Variants in GUCY2C observed in about 807,000 individuals in gnomAD.
GUCY2C encodes the protein guanylyl cyclase C.
A neutral mutation model predicts 131.1 loss-of-function variants in GUCY2C; 118 were observed. The observed-to-expected ratio is 0.90, with a 90% CI of 0.78 to 1.05. GUCY2C has a LOEUF of 1.05. GUCY2C is among the 50% of genes least tolerant of loss of function. The probability of loss-of-function intolerance (pLI) is 0.00; values close to 1 mark genes in which losing one functional copy is unlikely to be tolerated. For missense variants in GUCY2C, 1,161 were observed against 1,304.4 expected, an observed-to-expected ratio of 0.89 and a Z score of 1.69; for synonymous variants, 452 against 457.8, an observed-to-expected ratio of 0.99 and a Z score of 0.16.
At chr12:14,679,861 T>A (rs1948311692) in intron 5 of GUCY2C, 108 bp from the exon 6 acceptor site, 1 of 631,374 alleles carries the variant, frequency 1.6e-6, no homozygotes, top group African/African-American at 1.9e-5. Flanking sequence ...TTAAATTTTT[T>A]AAAGATAAAC....
chr12:14,621,953 T>C lies in GUCY2C; in HGVS notation c.2601+52A>G. ...CAGAAACAACCAATTCAGGCTCTGA[T>C]GACCTTGAGTTGTACAATTAATGGT... On this transcript the variant is annotated intron_variant, in intron 22 of 26. Transcript: ENST00000261170. 2.4e-6 allele frequency: 3 copies of C among 1,274,542 alleles called. No homozygotes were observed. The South Asian group carries it at 4.2e-5, about 18-fold the overall frequency. The allele number at this position is 1,274,542 out of a possible 1,614,324, so 79.0% of individuals were successfully genotyped here.
Position 14,661,008 on chromosome 12 carries a change from A to G in GUCY2C, c.1337T>C (p.Leu446Pro), listed in dbSNP as rs1947856359. The change falls in exon 11 of 27, where the codon CTC (leucine) becomes CCC (proline). Residue 446 changes from leucine (L) to proline (P), a missense_variant. Transcript: ENST00000261170. ...VFTLTGAVVL[L>P]LLVALLMLRK... ...GAGCATCAGGAGAGCGACGAGCAGG[A>G]GCAGCACCACAGCTCCAGTGAGGGT... The G allele has an allele frequency of 6.2e-7, 1 of 1,613,170 alleles. No homozygotes were observed. Among genetic ancestry groups the G allele is most frequent in the Non-Finnish European group, 8.5e-7 (1 of 1,179,170 alleles).
Position 14,660,971 on chromosome 12 carries a change from G to T in GUCY2C, c.1364+10C>A. On this transcript the variant is annotated intron_variant, in intron 11 of 26. Transcript: ENST00000261170. ...GATACCGAACACAGGCATGATAGAG[G>T]CGGCTGTACCTGAGCATCAGGAGAG... is the stretch of plus-strand genomic sequence containing the variant. 6.3e-7 allele frequency: 1 copy of T among 1,588,618 alleles called. No individual in the cohort carries two copies. Among genetic ancestry groups the T allele is most frequent in the African/African-American group, 1.3e-5 (1 of 74,474 alleles).
chr12:14,641,218 G>A lies in GUCY2C; in HGVS notation c.1932C>T (p.Asp644=). The A allele has an allele frequency of 6.2e-7, 1 of 1,613,142 alleles. No individual in the cohort carries two copies. Among genetic ancestry groups the A allele is most frequent in the Non-Finnish European group, 8.5e-7 (1 of 1,179,882 alleles). ...GGAGGTGCTCTGGAGCTGTCCACAGGTCTGTAAATGTAGACATTGAGATTA... is the reference window on the plus strand; with the variant it reads ...GGAGGTGCTCTGGAGCTGTCCACAGATCTGTAAATGTAGACATTGAGATTA... ...GCNSILPPKK[D]LWTAPEHLRQ... Residue 644 remains aspartate, a splice_region_variant and synonymous_variant, in exon 18 of 27, where the codon GAC becomes GAT. Coordinates refer to ENST00000261170, the MANE Select transcript of GUCY2C (RefSeq NM_004963.4).
At chr12:14,655,089 C>T (rs1046864169) in intron 12 of GUCY2C, among the ~76,000 whole-genome samples, 3 of 152,212 alleles carry the variant, frequency 2.0e-5, no homozygotes, top group African/African-American at 7.2e-5. Flanking sequence ...CTTGTACAAC[C>T]TATGAAAGCT....
intron 19 of GUCY2C, among the ~76,000 whole-genome samples, chr12:14,630,510 A>G (rs1264986920): frequency 1.3e-5 from 2 of 152,132 alleles, no homozygotes; most frequent in African/African-American, 2.4e-5. Flanking sequence ...TTTTCTTGTC[A>G]TTATTCCCTA....
intron 25 of GUCY2C, among the ~76,000 whole-genome samples, chr12:14,616,002 A>T (rs927693987): frequency 6.6e-6 from 1 of 152,196 alleles, no homozygotes; most frequent in African/African-American, 2.4e-5. Flanking sequence ...TTTAAATGTG[A>T]GGAACTGCAT....
intron 13 of GUCY2C, among the ~76,000 whole-genome samples, chr12:14,652,325 C>A (rs1427763754): frequency 6.6e-6 from 1 of 152,148 alleles, no homozygotes; most frequent in South Asian, 2.1e-4. Context: ...CAGGCATGCA[C>A]CACCATGCCC....
chr12:14,638,184 T>A (rs913901810), intron 19 of GUCY2C, among the ~76,000 whole-genome samples: 6 of 152,152 alleles, frequency 3.9e-5, no homozygotes, highest in Non-Finnish European at 8.8e-5. Flanking sequence ...TTACCCCAGT[T>A]AGAATGGCTA....
At chr12:14,675,246 GAAAGA>G (rs1948208733) in intron 7 of GUCY2C, among the ~76,000 whole-genome samples, 1 of 102,438 alleles carries the variant, frequency 9.8e-6, no homozygotes, top group African/African-American at 3.6e-5. Context: ...AAGAAAGAAA[GAAAGA>G]AAAAAAACTC....
intron 15 of GUCY2C, among the ~76,000 whole-genome samples, chr12:14,648,417 A>C (rs1212832419): frequency 6.6e-6 from 1 of 152,202 alleles, no homozygotes. Flanking sequence ...TCATTACAAA[A>C]ACTATCAGAA....
At chr12:14,648,866 C>T (rs1297872430) in intron 15 of GUCY2C, among the ~76,000 whole-genome samples, 1 of 152,120 alleles carries the variant, frequency 6.6e-6, no homozygotes, top group African/African-American at 2.4e-5. Context: ...CAGATGAAGT[C>T]AGTTGTTATT....
rs752006363 is a variant in GUCY2C at position 14,619,291 on chromosome 12, A to G, written c.2795T>C (p.Val932Ala). ...GVHSGPCAAG[V>A]VGIKMPRYCL... is the part of the protein sequence containing the mutation. Reference sequence around the variant, plus strand: ...ATAACGAGGCATCTTGATTCCCACAACTCCAGCAGCACAGGGACCTGAAAT... The same window carrying G: ...ATAACGAGGCATCTTGATTCCCACAGCTCCAGCAGCACAGGGACCTGAAAT... The change falls in exon 24 of 27, where the codon GTT (valine) becomes GCT (alanine). Residue 932 changes from valine to alanine, a missense_variant. Transcript: ENST00000261170. The G allele has an allele frequency of 6.2e-6, 10 of 1,610,784 alleles. No homozygotes were observed. The African/African-American group carries it at 6.7e-5, about 11-fold the overall frequency.
At chr12:14,646,982 T>C (rs544342886) in intron 15 of GUCY2C, among the ~76,000 whole-genome samples, 1 of 152,270 alleles carries the variant, frequency 6.6e-6, no homozygotes, top group South Asian at 2.1e-4. Flanking sequence ...TGGGGTTTGT[T>C]ATGAAGATTA....
At chr12:14,675,720 C>T (rs554715750) in intron 7 of GUCY2C, among the ~76,000 whole-genome samples, 1 of 152,288 alleles carries the variant, frequency 6.6e-6, no homozygotes, top group Admixed American at 6.5e-5. Flanking sequence ...GAATTAAAAG[C>T]CCTTGCTGAA....
intron 12 of GUCY2C, among the ~76,000 whole-genome samples, chr12:14,654,822 T>G (rs1003363012): frequency 6.6e-6 from 1 of 152,172 alleles, no homozygotes; most frequent in African/African-American, 2.4e-5. Flanking sequence ...ACGCTCCTTC[T>G]GAAAGTCCCC....
At chr12:14,661,982 C>T (rs538108415) in intron 10 of GUCY2C, among the ~76,000 whole-genome samples, 66 of 152,162 alleles carry the variant, frequency 4.3e-4, no homozygotes, top group African/African-American at 1.6e-3. Context: ...CAAGGAAGCA[C>T]TGAAGCAGTG....
At chr12:14,634,235 A>G (rs1488954807) in intron 19 of GUCY2C, among the ~76,000 whole-genome samples, 1 of 152,238 alleles carries the variant, frequency 6.6e-6, no homozygotes, top group African/African-American at 2.4e-5. Context: ...GAGGTAGTCA[A>G]AGTGCTGAAA....
chr12:14,618,178 G>A (rs530343505), intron 24 of GUCY2C, among the ~76,000 whole-genome samples: 32 of 152,236 alleles, frequency 2.1e-4, no homozygotes, highest in African/African-American at 7.2e-4. Flanking sequence ...ATATTCCTTC[G>A]TATATAACAA....
Sources: allele counts gnomAD v4.1 joint callset (sites outside exome capture counted in the v4.1 genomes callset), GRCh38; gene constraint gnomAD v4.1.1; transcripts MANE v1.5; gene names NCBI Gene and HGNC (gene_info 2026-07-23, HGNC 2026-07-21).